Variants in RPAP2 observed in about 807,000 individuals in gnomAD.
RPAP2 encodes putative RNA polymerase II subunit B1 CTD phosphatase RPAP2.
Under a neutral mutation model 73.1 loss-of-function variants are expected in RPAP2, and 52 were observed. The ratio of observed to expected loss-of-function variants is 0.71; its 90% CI spans 0.57 to 0.90. The LOEUF is 0.90. Ranked by LOEUF, RPAP2 falls within the 40% of genes least tolerant of loss-of-function variation. The pLI is 0.00. For missense variants in RPAP2, 598 were observed against 701.8 expected (o/e 0.85, Z 1.67); for synonymous variants, 225 against 242.1 (o/e 0.93, Z 0.65).
chr1:92,320,286 T>A (rs188552599), intron 6 of RPAP2, among the ~76,000 whole-genome samples: 77 of 152,248 alleles, frequency 5.1e-4, no homozygotes, highest in Non-Finnish European at 9.6e-4. Flanking sequence ...TTTCTTTTTT[T>A]TTCTTAAGAT....
At chr1:92,329,511 C>T (rs892336054) in intron 8 of RPAP2, among the ~76,000 whole-genome samples, 2 of 152,010 alleles carry the variant, frequency 1.3e-5, no homozygotes, top group Non-Finnish European at 2.9e-5. Flanking sequence ...GAACTTGCCC[C>T]AGGCTACAGG....
chr1:92,338,087 TA>T (rs1369962824), intron 10 of RPAP2, among the ~76,000 whole-genome samples: 6 of 152,198 alleles, frequency 3.9e-5, no homozygotes. Flanking sequence ...CAGGCATCAT[TA>T]ATTATTGTGG....
In RPAP2 at chr1:92,336,414, G is replaced by T. The variant is rs1241905706; in HGVS notation, c.1606G>T (p.Val536Phe). 6.2e-7 allele frequency: 1 copy of T among 1,603,768 alleles called. No individual in the cohort carries two copies. Among genetic ancestry groups the T allele is most frequent in the Non-Finnish European group, 8.5e-7 (1 of 1,171,414 alleles). The change falls in exon 10 of 13, where the codon GTT becomes TTT. Residue 536 changes from valine (V) to phenylalanine (F), a missense_variant. This residue lies in a region of RPAP2 where 506 missense variants were observed against 612.8 expected (regional missense o/e 0.83). Coordinates refer to ENST00000610020, the MANE Select transcript of RPAP2 (RefSeq NM_024813.3). ...GDIYTQLKNLVRTFRLTNRNI... is the reference protein window; with the variant it reads ...GDIYTQLKNLFRTFRLTNRNI... ...TATTTACACACAACTTAAAAATCTTGTTCGAACTTTCAGGTTAGTGTTTAT... is the reference window on the plus strand; with the variant it reads ...TATTTACACACAACTTAAAAATCTTTTTCGAACTTTCAGGTTAGTGTTTAT...
chr1:92,381,143 A>G (rs1260882852), intron 12 of RPAP2, among the ~76,000 whole-genome samples: 1 of 152,134 alleles, frequency 6.6e-6, no homozygotes, highest in East Asian at 1.9e-4. Flanking sequence ...TATCAGTTTC[A>G]TACTCAAGTG....
chr1:92,302,732 G>C (rs995648794), intron 3 of RPAP2, among the ~76,000 whole-genome samples: 3 of 149,840 alleles, frequency 2.0e-5, no homozygotes, highest in African/African-American at 7.3e-5. Flanking sequence ...CTCCCGAGTA[G>C]CTGGGACTGG....
intron 11 of RPAP2, among the ~76,000 whole-genome samples, chr1:92,366,242 G>T (rs1221294450): frequency 6.6e-6 from 1 of 152,172 alleles, no homozygotes; most frequent in South Asian, 2.1e-4. Flanking sequence ...GTTTGAGGCT[G>T]CAGTGAGCTG....
chr1:92,344,749 G>C (rs2101297433), intron 10 of RPAP2, among the ~76,000 whole-genome samples: 1 of 151,990 alleles, frequency 6.6e-6, no homozygotes, highest in South Asian at 2.1e-4. Context: ...ACCAACCCTT[G>C]GTATTGTCAG....
intron 8 of RPAP2, among the ~76,000 whole-genome samples, chr1:92,330,990 T>C (rs1557606123): frequency 6.6e-6 from 1 of 152,136 alleles, no homozygotes; most frequent in Non-Finnish European, 1.5e-5. Flanking sequence ...AGAAGCACTG[T>C]TGGGGTGTGG....
intron 10 of RPAP2, among the ~76,000 whole-genome samples, chr1:92,342,605 A>G (rs941311269): frequency 5.3e-5 from 8 of 152,344 alleles, no homozygotes; most frequent in African/African-American, 1.7e-4. Flanking sequence ...GGGCCGAGGC[A>G]GAGAGACCAA....
At chr1:92,385,896 G>A (rs927033227) in intron 12 of RPAP2, among the ~76,000 whole-genome samples, 2 of 152,290 alleles carry the variant, frequency 1.3e-5, no homozygotes, top group East Asian at 1.9e-4. Flanking sequence ...ATCTGCCAGC[G>A]CTATGATGTC....
chr1:92,337,099 T>C (rs1269610851), intron 10 of RPAP2, among the ~76,000 whole-genome samples: 4 of 152,152 alleles, frequency 2.6e-5, no homozygotes, highest in African/African-American at 4.8e-5. Flanking sequence ...CAAATGCCAG[T>C]GACCAAATAT....
rs766737778 is a variant in RPAP2, at chr1:92,310,596, AAAT to A, written c.488+3329_488+3331del. On this transcript the variant is annotated intron_variant, in intron 6 of 12. Coordinates refer to ENST00000610020, the MANE Select transcript of RPAP2 (RefSeq NM_024813.3). ...AGTAATTTTAATAATCATAATTTTA[AAAT>A]AATAATAAATTTTTATGGCCAGGTG... Among the ~76,000 whole-genome samples, 80 of 152,220 alleles carry A rather than the reference AAAT, an allele frequency of 5.3e-4. 1 individual carries two copies. Among genetic ancestry groups the A allele is most frequent in the Non-Finnish European group, 1.1e-3 (77 of 68,020 alleles).
chr1:92,324,492 C>A (rs1026775410), intron 8 of RPAP2, 117 bp downstream of exon 8: 2 of 782,966 alleles, frequency 2.6e-6, no homozygotes, highest in Non-Finnish European at 4.0e-6. Flanking sequence ...CAAATAGTTT[C>A]TTTAGTCATT....
rs1239955382 is a variant in RPAP2 at position 92,389,234 on chromosome 1, C to T, written c.*2223C>T. 6.5e-6 allele frequency: 1 copy of T among 153,710 alleles called. No homozygotes were observed. The allele number at this position is 153,710 out of a possible 1,614,324, so 9.5% of individuals were successfully genotyped here. ...AATATTTGCTGTTCTGCAGCCTCCA[C>T]TGGTGACACCCAGGCAAACAGGGTC... is the stretch of plus-strand genomic sequence containing the variant. On this transcript the variant is annotated 3_prime_UTR_variant, in exon 13 of 13. Coordinates refer to ENST00000610020, the MANE Select transcript of RPAP2 (RefSeq NM_024813.3).
In RPAP2 at chr1:92,394,775, A is replaced by G. The variant is rs1656143977; in HGVS notation, c.*7764A>G. On this transcript the variant is annotated 3_prime_UTR_variant, in exon 13 of 13. Coordinates refer to ENST00000610020, the MANE Select transcript of RPAP2 (RefSeq NM_024813.3). ...ATAGCAGTTCTCCCCAAATTAATCT[A>G]CAATGCAATCCCTATCAAAATCACA... 1 of 152,242 alleles carries G rather than the reference A, an allele frequency of 6.6e-6. No homozygotes were observed. Among genetic ancestry groups the G allele is most frequent in the East Asian group, 1.9e-4 (1 of 5,202 alleles). 9.4% of individuals were successfully genotyped at this position (152,242 alleles called of 1,614,324 possible).
chr1:92,340,692 A>AT (rs1653546313), intron 10 of RPAP2, among the ~76,000 whole-genome samples: 1 of 152,138 alleles, frequency 6.6e-6, no homozygotes, highest in African/African-American at 2.4e-5. Context: ...TTAAGAGCCT[A>AT]TTTTGGGACC....
chr1:92,363,578 C>A (rs563558694), intron 11 of RPAP2: 23 of 157,688 alleles, frequency 1.5e-4, no homozygotes, highest in Non-Finnish European at 2.0e-4. Flanking sequence ...AGTGAAAACA[C>A]AATTGACCCT....
At chr1:92,326,485 A>G (rs547056875) in intron 8 of RPAP2, among the ~76,000 whole-genome samples, 1 of 152,262 alleles carries the variant, frequency 6.6e-6, no homozygotes, top group East Asian at 1.9e-4. Flanking sequence ...TTGTGGTAGT[A>G]TAGGGAGGAT....
chr1:92,302,926 C>T (rs1334813617), intron 3 of RPAP2, among the ~76,000 whole-genome samples: 1 of 151,664 alleles, frequency 6.6e-6, no homozygotes, highest in Non-Finnish European at 1.5e-5. Flanking sequence ...TGGCCAGGCA[C>T]GATGGCTCAT....
Sources: allele counts gnomAD v4.1 joint callset (sites outside exome capture counted in the v4.1 genomes callset), GRCh38; gene constraint gnomAD v4.1.1; regional missense constraint gnomAD v4.1.1; transcripts MANE v1.5; gene names NCBI Gene and HGNC (gene_info 2026-07-23, HGNC 2026-07-21).